The following GIPC2 variants were observed in gnomAD, a reference collection of about 807,000 sequenced individuals.
The protein encoded by GIPC2 is PDZ domain-containing protein GIPC2.
In GIPC2, 30 loss-of-function variants were observed where a neutral mutation model predicts 30.6. The observed-to-expected ratio is 0.98, with a 90% CI of 0.73 to 1.33. The LOEUF (loss-of-function observed/expected upper bound fraction) is 1.33, where lower values mean the gene tolerates loss of function less well. Among genes scored for constraint, GIPC2 ranks in the 40% most tolerant of loss-of-function variants. The pLI is 0.00. For missense variants in GIPC2, 414 were observed against 390.3 expected, an observed-to-expected ratio of 1.06 and a Z score of -0.51; for synonymous variants, 167 against 150.0, an observed-to-expected ratio of 1.11 and a Z score of -0.83.
At chr1:78,076,562 C>T (rs750884173) in intron 1 of GIPC2, among the ~76,000 whole-genome samples, 2 of 152,196 alleles carry the variant, frequency 1.3e-5, no homozygotes, top group East Asian at 3.9e-4. Context: ...GTTCATGCTC[C>T]TATGAGAGTG....
chr1:78,118,810 C>G (rs1016687521), intron 3 of GIPC2, among the ~76,000 whole-genome samples: 14 of 152,140 alleles, frequency 9.2e-5, no homozygotes, highest in African/African-American at 3.4e-4. Context: ...AATCCCAGCC[C>G]CATTTCTTAC....
chr1:78,084,069 A>G (rs532815114), intron 2 of GIPC2, among the ~76,000 whole-genome samples: 2 of 150,132 alleles, frequency 1.3e-5, no homozygotes, highest in African/African-American at 4.9e-5. Context: ...GTGCTCATAC[A>G]CTGAAGTCAA....
At position 78,099,961 on chromosome 1, in the gene GIPC2, G is replaced by A. The variant is rs569150849; in HGVS notation, c.607+4829G>A. Among the ~76,000 whole-genome samples, 340 of 152,316 alleles carry A rather than the reference G, an allele frequency of 2.2e-3. 1 individual carries two copies. Among genetic ancestry groups the A allele is most frequent in the African/African-American group, 7.1e-3 (296 of 41,580 alleles). On this transcript the variant is annotated intron_variant, in intron 3 of 5. Transcript: ENST00000370759. ...CACAGGAAATGAAGCTCAAGAGTCA[G>A]TAGAGAACAAATATATCAAGGGCCT...
At chr1:78,107,195 C>T (rs1015379338) in intron 3 of GIPC2, among the ~76,000 whole-genome samples, 1 of 151,632 alleles carries the variant, frequency 6.6e-6, no homozygotes, top group South Asian at 2.1e-4. Context: ...CAGGGTCTCA[C>T]TCTCTGAGGG....
intron 1 of GIPC2, among the ~76,000 whole-genome samples, chr1:78,061,081 G>A (rs538464979): frequency 2.6e-5 from 4 of 152,242 alleles, no homozygotes; most frequent in East Asian, 1.9e-4. Context: ...CTGCCACTGT[G>A]TCTTTAATGG....
chr1:78,089,400 A>G (rs1388517264), intron 2 of GIPC2, among the ~76,000 whole-genome samples: 4 of 152,256 alleles, frequency 2.6e-5, no homozygotes, highest in Non-Finnish European at 5.9e-5. Flanking sequence ...AGTACTCACA[A>G]TTAATAGCTA....
At chr1:78,068,368 A>G (rs1661559630) in intron 1 of GIPC2, among the ~76,000 whole-genome samples, 1 of 152,238 alleles carries the variant, frequency 6.6e-6, no homozygotes, top group South Asian at 2.1e-4. Context: ...GGATTGGGGC[A>G]TGTGGGGAAG....
intron 3 of GIPC2, among the ~76,000 whole-genome samples, chr1:78,098,557 T>G (rs546711571): frequency 2.0e-4 from 30 of 152,352 alleles, no homozygotes; most frequent in African/African-American, 6.3e-4. Context: ...TAGAAAATAC[T>G]AAGGAGGAAG....
At chr1:78,063,701 A>G (rs1661447772) in intron 1 of GIPC2, among the ~76,000 whole-genome samples, 1 of 152,056 alleles carries the variant, frequency 6.6e-6, no homozygotes, top group Non-Finnish European at 1.5e-5. Flanking sequence ...CCTGGCCAAC[A>G]TGGTGAAACC....
chr1:78,124,543 TG>T (rs1662747116), intron 4 of GIPC2, among the ~76,000 whole-genome samples: 2 of 152,200 alleles, frequency 1.3e-5, no homozygotes, highest in Non-Finnish European at 2.9e-5. Context: ...GTCCTTTTCA[TG>T]GTACACAGGA....
chr1:78,110,849 C>A (rs1478771635), intron 3 of GIPC2, among the ~76,000 whole-genome samples: 1 of 152,154 alleles, frequency 6.6e-6, no homozygotes, highest in Admixed American at 6.5e-5. Context: ...CCCACTTGGG[C>A]CTTTGATAAC....
chr1:78,102,407 G>A lies in GIPC2; in HGVS notation c.607+7275G>A, dbSNP rs190865263. Among the ~76,000 whole-genome samples, 344 of 152,108 alleles carry A rather than the reference G, an allele frequency of 2.3e-3. 5 individuals carry two copies. The highest frequency in any genetic ancestry group is 7.3e-3 in the African/African-American group (304 of 41,490). On this transcript the variant is annotated intron_variant, in intron 3 of 5. Coordinates refer to ENST00000370759, the MANE Select transcript of GIPC2 (RefSeq NM_017655.6). ...GCTTTTAAGTTTTATATGACTTTTTGGATAGACATTTCAAACATTTAAAAA... is the reference window on the plus strand; with the variant it reads ...GCTTTTAAGTTTTATATGACTTTTTAGATAGACATTTCAAACATTTAAAAA...
chr1:78,088,457 G>T (rs2100362266), intron 2 of GIPC2, among the ~76,000 whole-genome samples: 1 of 152,344 alleles, frequency 6.6e-6, no homozygotes, highest in African/African-American at 2.4e-5. Context: ...CAACATGGAT[G>T]TAGCTGGAGG....
chr1:78,076,207 G>T (rs1661714068), intron 1 of GIPC2, among the ~76,000 whole-genome samples: 1 of 152,212 alleles, frequency 6.6e-6, no homozygotes, highest in African/African-American at 2.4e-5. Flanking sequence ...TTAAAATGGG[G>T]AAGAGAAGTT....
At chr1:78,050,219 C>G (rs112682795) in intron 1 of GIPC2, among the ~76,000 whole-genome samples, 2 of 152,160 alleles carry the variant, frequency 1.3e-5, no homozygotes, top group Non-Finnish European at 1.5e-5. Flanking sequence ...TATTACATAG[C>G]AGCTGTGAGA....
At chr1:78,081,120 CATT>C (rs1661820143) in intron 2 of GIPC2, among the ~76,000 whole-genome samples, 1 of 152,160 alleles carries the variant, frequency 6.6e-6, no homozygotes. Flanking sequence ...GGTGCCTACT[CATT>C]ATCCATATAA....
chr1:78,131,365 C>T (rs1662894795), intron 5 of GIPC2, among the ~76,000 whole-genome samples: 1 of 151,972 alleles, frequency 6.6e-6, no homozygotes, highest in African/African-American at 2.4e-5. Context: ...CTTGCCACCA[C>T]GACCAGCTAA....
chr1:78,094,688 G>A (rs1375754233), intron 2 of GIPC2: 1 of 242,074 alleles, frequency 4.1e-6, no homozygotes, highest in East Asian at 7.4e-5. Context: ...AGGTAAGATA[G>A]TGGTTCTTGG....
In GIPC2 at chr1:78,136,608, C is replaced by CCTT. The variant is rs368496884; in HGVS notation, c.*865_*866insCTT. ...TACTCAAAATAACTATGCTTTAGAA[C>CCTT]TTTTTTTTTTTTTTTTTTTTTGGTT... On this transcript the variant is annotated 3_prime_UTR_variant, in exon 6 of 6. Coordinates refer to ENST00000370759, the MANE Select transcript of GIPC2 (RefSeq NM_017655.6). 6 of 101,962 alleles carry CCTT rather than the reference C, an allele frequency of 5.9e-5. No individual in the cohort carries two copies. The South Asian group carries it at 1.1e-3, about 18-fold the overall frequency. 6.3% of individuals were successfully genotyped at this position (101,962 alleles called of 1,614,324 possible).
Sources: gnomAD v4.1 joint callset for allele counts (sites outside exome capture counted in the v4.1 genomes callset) on GRCh38, gnomAD v4.1.1 for gene constraint, MANE v1.5 for transcripts, NCBI Gene and HGNC (gene_info 2026-07-23, HGNC 2026-07-21) for gene names.